SLC30A6: variants seen among roughly 807,000 people sequenced by gnomAD.
The protein encoded by SLC30A6 is solute carrier family 30 member 6.
In SLC30A6, 55 loss-of-function variants were observed where a neutral mutation model predicts 63.0. The observed-to-expected ratio is 0.87, with a 90% CI of 0.70 to 1.09. The LOEUF (loss-of-function observed/expected upper bound fraction) is 1.09. SLC30A6 is among the 50% of genes least tolerant of loss of function. The pLI, the probability that SLC30A6 is intolerant of heterozygous loss-of-function variation, is 0.00. For missense variants in SLC30A6, 587 were observed against 549.2 expected, an observed-to-expected ratio of 1.07 and a Z score of -0.69; for synonymous variants, 224 against 186.1, an observed-to-expected ratio of 1.20 and a Z score of -1.66.
At chr2:32,199,870 T>G (rs1209581939) in intron 10 of SLC30A6, among the ~76,000 whole-genome samples, 1 of 152,134 alleles carries the variant, frequency 6.6e-6, no homozygotes, top group Non-Finnish European at 1.5e-5. Flanking sequence ...GTCCCAGCAC[T>G]TTGGGAAGCC....
At chr2:32,201,557 G>T (rs889093151) in intron 10 of SLC30A6, 2 of 1,121,030 alleles carry the variant, frequency 1.8e-6, no homozygotes. Context: ...GCATGTAGGT[G>T]GTTGTGGCCA....
intron 4 of SLC30A6, among the ~76,000 whole-genome samples, chr2:32,183,385 A>G (rs188450644): frequency 1.3e-5 from 2 of 152,148 alleles, no homozygotes; most frequent in East Asian, 3.9e-4. Context: ...AGTATATTAT[A>G]AGGATGGCTT....
intron 8 of SLC30A6, among the ~76,000 whole-genome samples, chr2:32,194,746 C>T (rs1683627117): frequency 6.6e-6 from 1 of 152,046 alleles, no homozygotes. Flanking sequence ...TAAACAACTT[C>T]ATGAATGTTA....
rs897440752 is a variant in SLC30A6, at chr2:32,202,717, A to G, written c.666-1873A>G. The G allele has an allele frequency of 2.8e-5, 19 of 686,136 alleles. 1 individual carries two copies. The Middle Eastern group carries it at 7.6e-4, about 28-fold the overall frequency. The allele number at this position is 686,136 out of a possible 1,614,324, so 42.5% of individuals were successfully genotyped here. A position where few individuals can be genotyped will look rare whatever the true frequency, so the allele number is the denominator to read the frequency against. On this transcript the variant is annotated intron_variant, in intron 10 of 13. Coordinates refer to ENST00000282587, the MANE Select transcript of SLC30A6 (RefSeq NM_017964.5). ...TTAGGTTTTGCTGAACAAGTTGAAG[A>G]TATTATTCATGAATTCTACAAAACT...
intron 1 of SLC30A6, among the ~76,000 whole-genome samples, chr2:32,169,936 A>C (rs1681045410): frequency 6.6e-6 from 1 of 152,260 alleles, no homozygotes; most frequent in Non-Finnish European, 1.5e-5. Context: ...GTAACTTTTA[A>C]AACTGGGTTA....
rs1472231500 is a variant in SLC30A6, at chr2:32,169,796, T to C, written c.4-1491T>C. The stretch of plus-strand genomic sequence containing the variant: ...GGTTCAAGAGATGGATGTGACTGTG[T>C]ATAGGGAGAGGCATACCATTTTTAT... On this transcript the variant is annotated intron_variant, in intron 1 of 13. Coordinates refer to ENST00000282587, the MANE Select transcript of SLC30A6 (RefSeq NM_017964.5). 2.0e-5 allele frequency among the ~76,000 whole-genome samples: 3 copies of C among 152,192 alleles called. No individual in the cohort carries two copies. The South Asian group carries it at 6.2e-4, about 31-fold the overall frequency.
chr2:32,207,421 G>T (rs1447484987), intron 12 of SLC30A6, among the ~76,000 whole-genome samples: 1 of 151,812 alleles, frequency 6.6e-6, no homozygotes. Context: ...CTGTCGCCCA[G>T]GCTGGAGTGC....
At chr2:32,204,760 A>G (rs1684597081) in intron 11 of SLC30A6, 68 bp downstream of exon 11, 2 of 795,348 alleles carry the variant, frequency 2.5e-6, no homozygotes, top group Non-Finnish European at 3.9e-6. Context: ...AAAAAGTTGT[A>G]TGTGTTGTTC....
intron 13 of SLC30A6, among the ~76,000 whole-genome samples, chr2:32,210,491 G>C (rs1244162352): frequency 1.5e-5 from 2 of 132,132 alleles, no homozygotes; most frequent in Non-Finnish European, 3.1e-5. Flanking sequence ...CTCTAGCCTG[G>C]GTGACAGAGT....
intron 13 of SLC30A6, among the ~76,000 whole-genome samples, chr2:32,215,989 CTT>C (rs1685671293): frequency 6.6e-6 from 1 of 152,178 alleles, no homozygotes; most frequent in Non-Finnish European, 1.5e-5. Context: ...GATGCCATGC[CTT>C]TGCTGTGTGA....
chr2:32,173,911 C>A (rs1343448986), intron 2 of SLC30A6, 152 bp from the exon 3 acceptor site: 1 of 515,836 alleles, frequency 1.9e-6, no homozygotes, highest in Non-Finnish European at 3.4e-6. Context: ...TAGCCGATGA[C>A]AATTTTGGTA....
intron 12 of SLC30A6, 131 bp from the exon 13 acceptor site, chr2:32,209,362 T>G: frequency 1.6e-6 from 1 of 639,692 alleles, no homozygotes; most frequent in Non-Finnish European, 2.7e-6. Context: ...GAGACTTCTC[T>G]TAGCTAATGA....
chr2:32,199,869 C>G (rs1173573481), intron 10 of SLC30A6, among the ~76,000 whole-genome samples: 2 of 152,078 alleles, frequency 1.3e-5, no homozygotes, highest in Admixed American at 1.3e-4. Flanking sequence ...AGTCCCAGCA[C>G]TTTGGGAAGC....
At chr2:32,191,494 T>C (rs922198820) in intron 5 of SLC30A6, among the ~76,000 whole-genome samples, 9 of 152,180 alleles carry the variant, frequency 5.9e-5, no homozygotes, top group Non-Finnish European at 1.2e-4. Context: ...CATTAGACCA[T>C]GTGTTGCAGG....
At chr2:32,197,542 A>G (rs185888005) in intron 9 of SLC30A6, 150 bp downstream of exon 9, 49 of 1,284,222 alleles carry the variant, frequency 3.8e-5, no homozygotes, top group Non-Finnish European at 5.1e-5. Flanking sequence ...TTTAATTGAT[A>G]CAAAAGAGAA....
At position 32,197,773 on chromosome 2, in the gene SLC30A6, T is replaced by A. The variant is rs1202057271; in HGVS notation, c.612T>A (p.Ile204=). 1.2e-6 allele frequency: 2 copies of A among 1,614,130 alleles called. No homozygotes were observed. The highest frequency in any genetic ancestry group is 2.2e-5 in the South Asian group (2 of 91,086). The change falls in exon 10 of 14, where the codon ATT becomes ATA. Residue 204 remains isoleucine, a synonymous_variant. Transcript: ENST00000282587. ...CCCGAATGAATCCATTTGTTTTGAT[T>A]GATCTTGCTGGAGCATTTGCTCTTT... ...FLPRMNPFVL[I]DLAGAFALCI... is the part of the protein sequence containing the mutation.
rs543008084 is a variant in SLC30A6, at chr2:32,196,987, G to A, written c.497-357G>A. ...AGGCAGGAGAATTGCTTGAACGCGG[G>A]AGACAGAGGTTGCAGTGAGCCGAGA... On this transcript the variant is annotated intron_variant, in intron 8 of 13. Coordinates refer to ENST00000282587, the MANE Select transcript of SLC30A6 (RefSeq NM_017964.5). Among the ~76,000 whole-genome samples, 62 of 152,098 alleles carry A rather than the reference G, an allele frequency of 4.1e-4. 1 individual carries two copies. Among genetic ancestry groups the A allele is most frequent in the Non-Finnish European group, 7.8e-4 (53 of 68,030 alleles).
At chr2:32,190,541 C>T (rs1291926030) in intron 5 of SLC30A6, among the ~76,000 whole-genome samples, 1 of 151,856 alleles carries the variant, frequency 6.6e-6, no homozygotes, top group Non-Finnish European at 1.5e-5. Context: ...CTTGGCATAC[C>T]CCCAGGTCAG....
intron 4 of SLC30A6, among the ~76,000 whole-genome samples, chr2:32,176,285 C>T (rs1224264896): frequency 1.3e-5 from 2 of 152,112 alleles, no homozygotes; most frequent in African/African-American, 4.8e-5. Context: ...TTGCCTGTCA[C>T]GTTGGGAAAG....
Sources: gnomAD v4.1 joint callset for allele counts (sites outside exome capture counted in the v4.1 genomes callset) on GRCh38, gnomAD v4.1.1 for gene constraint, MANE v1.5 for transcripts, NCBI Gene and HGNC (gene_info 2026-07-23, HGNC 2026-07-21) for gene names.